RNPEP: variants seen among roughly 807,000 people sequenced by gnomAD.
RNPEP encodes aminopeptidase B.
RNPEP carries 57 observed loss-of-function variants against 70.1 expected under a neutral mutation model. That is an observed-to-expected ratio of 0.81 (90% CI 0.66 to 1.01). The LOEUF is 1.01. Ranked by LOEUF, RNPEP falls within the 50% of genes least tolerant of loss-of-function variation. The probability of loss-of-function intolerance (pLI) is 0.00; values close to 1 mark genes in which losing one functional copy is unlikely to be tolerated. For missense variants in RNPEP, 787 were observed against 852.4 expected (o/e 0.92, Z 0.96); for synonymous variants, 335 against 357.4 (o/e 0.94, Z 0.71).
At chr1:201,983,461 A>G (rs1683015294) in intron 1 of RNPEP, 2 of 1,401,934 alleles carry the variant, frequency 1.4e-6, no homozygotes, top group South Asian at 2.4e-5. Flanking sequence ...GTGGCTTTCT[A>G]GATGACCTGT....
chr1:201,989,405 T>C lies in RNPEP; in HGVS notation c.611T>C (p.Val204Ala). 1 of 1,614,206 alleles carries C rather than the reference T, an allele frequency of 6.2e-7. No individual in the cohort carries two copies. Among genetic ancestry groups the C allele is most frequent in the Middle Eastern group, 1.6e-4 (1 of 6,062 alleles). ...LIEVPDGFTA[V>A]MSASTWEKRG... is the part of the protein sequence containing the mutation. ...CAGGTCCCAGATGGCTTCACAGCTG[T>C]GATGAGTGCTAGCACCTGGGAGAAG... is the stretch of plus-strand genomic sequence containing the variant. Residue 204 changes from valine to alanine, a missense_variant, in exon 3 of 11, where the codon GTG (valine) becomes GCG (alanine). Transcript: ENST00000295640.
In RNPEP at chr1:202,003,412, G is replaced by A. The variant is rs1683914953; in HGVS notation, c.1602G>A (p.Gln534=). 9 of 1,614,170 alleles carry A rather than the reference G, an allele frequency of 5.6e-6. No individual in the cohort carries two copies. The highest frequency in any genetic ancestry group is 7.6e-6 in the Non-Finnish European group (9 of 1,180,028). Residue 534 remains glutamine (Q), a synonymous_variant, in exon 9 of 11, where the codon CAG becomes CAA. Transcript: ENST00000295640. ...AVAISPWKTY[Q]LVYFLDKILQ... The stretch of plus-strand genomic sequence containing the variant: ...CCATCTCTCCCTGGAAGACCTACCA[G>A]CTGGTCTACTTCCTGGATAAGATCC...
chr1:201,990,101 T>TCCCAAAGTGCTGGGATTACA (rs1484763954), intron 3 of RNPEP, among the ~76,000 whole-genome samples: 3 of 152,198 alleles, frequency 2.0e-5, no homozygotes, highest in African/African-American at 7.2e-5. Flanking sequence ...CGCCTTGGCC[T>TCCCAAAGTGCTGGGATTACA]CCCAAAGTGC....
At chr1:201,997,055 GGA>G (rs1449650084) in intron 4 of RNPEP, among the ~76,000 whole-genome samples, 4 of 152,158 alleles carry the variant, frequency 2.6e-5, no homozygotes, top group Non-Finnish European at 5.9e-5. Context: ...CTGCTTGGAA[GGA>G]GAGAGGGAAA....
chr1:201,985,655 G>A (rs1165205878), intron 1 of RNPEP, among the ~76,000 whole-genome samples: 1 of 152,112 alleles, frequency 6.6e-6, no homozygotes, highest in Non-Finnish European at 1.5e-5. Flanking sequence ...TTTTGCATTA[G>A]TATGACACAT....
intron 3 of RNPEP, 121 bp downstream of exon 3, chr1:201,989,652 C>A (rs1683253673): frequency 2.0e-6 from 2 of 1,004,502 alleles, no homozygotes; most frequent in Non-Finnish European, 3.0e-6. Context: ...GAGTCCAGAG[C>A]CTTTCTGCAG....
intron 9 of RNPEP, 106 bp downstream of exon 9, chr1:202,003,567 C>A: frequency 2.6e-6 from 2 of 775,768 alleles, no homozygotes; most frequent in Non-Finnish European, 4.2e-6. Flanking sequence ...GGAACTGCCA[C>A]GTACACTAGG....
rs926221616 is a variant in RNPEP, at chr1:202,001,669, A to G, written c.1328A>G (p.His443Arg). ...TTTCCCTCCTCACAGGCCTATGTGC[A>G]TGAATTCAAATTCCGAAGCATCTTA... Reference protein sequence around the residue: ...QFDSFLKAYVHEFKFRSILAD... With the variant: ...QFDSFLKAYVREFKFRSILAD... The change falls in exon 8 of 11, where the codon CAT (histidine) becomes CGT (arginine). Residue 443 changes from histidine (H) to arginine (R), a missense_variant. Physicochemically the swap from His to Arg is conservative, Grantham distance 29. Transcript: ENST00000295640. 3.1e-6 allele frequency: 5 copies of G among 1,612,588 alleles called. No individual in the cohort carries two copies. Among genetic ancestry groups the G allele is most frequent in the Admixed American group, 1.7e-5 (1 of 59,988 alleles).
intron 1 of RNPEP, chr1:201,983,394 T>G: frequency 6.7e-7 from 1 of 1,499,718 alleles, no homozygotes; most frequent in Admixed American, 2.0e-5. Context: ...CCCTGGAGGC[T>G]TGTCCAGATT....
Position 201,983,034 on chromosome 1 carries a change from G to A in RNPEP, c.368G>A (p.Cys123Tyr). ...TTCTCGCACTATGGCCAGGCCCTGT[G>A]CGTGTCCTTCCCGCAGCCCTGCCGC... ...QPFSHYGQALCVSFPQPCRAA... is the reference protein window; with the variant it reads ...QPFSHYGQALYVSFPQPCRAA... Residue 123 changes from cysteine to tyrosine, a missense_variant, in exon 1 of 11, where the codon TGC (cysteine) becomes TAC (tyrosine). Transcript: ENST00000295640. The A allele has an allele frequency of 6.5e-7, 1 of 1,527,250 alleles. No homozygotes were observed. The highest frequency in any genetic ancestry group is 8.8e-7 in the Non-Finnish European group (1 of 1,140,106). The allele number at this position is 1,527,250 out of a possible 1,614,324, so 94.6% of individuals were successfully genotyped here.
chr1:201,987,504 C>T (rs894501498), intron 1 of RNPEP, among the ~76,000 whole-genome samples: 9 of 143,874 alleles, frequency 6.3e-5, no homozygotes, highest in Non-Finnish European at 1.2e-4. Flanking sequence ...GTGGCATGAT[C>T]TCAGCTCACT....
At chr1:201,984,795 C>T (rs114586850) in intron 1 of RNPEP, among the ~76,000 whole-genome samples, 13 of 138,270 alleles carry the variant, frequency 9.4e-5, no homozygotes, top group Non-Finnish European at 1.8e-4. Flanking sequence ...TGTGTTAGCT[C>T]TTACTGCTAA....
intron 6 of RNPEP, chr1:202,000,353 T>A (rs1359769850): frequency 9.9e-6 from 2 of 202,850 alleles, no homozygotes; most frequent in East Asian, 1.3e-4. Flanking sequence ...ATTAGCCTTA[T>A]TTTACAGAGG....
intron 3 of RNPEP, among the ~76,000 whole-genome samples, chr1:201,994,555 T>C (rs985757401): frequency 4.6e-5 from 7 of 152,204 alleles, no homozygotes; most frequent in Non-Finnish European, 8.8e-5. Flanking sequence ...AAGTACCTGA[T>C]ACTGGTTTCC....
intron 9 of RNPEP, 58 bp from the exon 10 acceptor site, chr1:202,004,296 A>G: frequency 6.3e-7 from 1 of 1,587,554 alleles, no homozygotes; most frequent in Non-Finnish European, 8.6e-7. Context: ...CCAAAATTCT[A>G]GTATTACAGG....
chr1:201,983,776 C>T (rs752236648), intron 1 of RNPEP: 13 of 1,099,366 alleles, frequency 1.2e-5, no homozygotes, highest in Non-Finnish European at 1.4e-5. Flanking sequence ...TTTTTCGGGA[C>T]GGGGCAAATA....
Position 201,989,016 on chromosome 1 carries a change from T to TTAAATACAAG in RNPEP, c.563_572dup (p.Tyr191Ter). ...TTCCCTTGCTTCGACACGCCTGCTG[T>TTAAATACAAG]TAAATACAAGTATTCAGCTCTTATT... On this transcript the variant is annotated frameshift_variant, in exon 2 of 11. Coordinates refer to ENST00000295640, the MANE Select transcript of RNPEP (RefSeq NM_020216.4). LOFTEE classifies it high-confidence loss of function. 6.2e-7 allele frequency: 1 copy of TTAAATACAAG among 1,614,190 alleles called. No individual in the cohort carries two copies. Among genetic ancestry groups the TTAAATACAAG allele is most frequent in the Non-Finnish European group, 8.5e-7 (1 of 1,180,022 alleles).
At chr1:201,997,635 C>T (rs1465682676) in intron 5 of RNPEP, 81 bp downstream of exon 5, 2 of 1,106,108 alleles carry the variant, frequency 1.8e-6, no homozygotes, top group Non-Finnish European at 2.7e-6. Context: ...TATGGGGTTT[C>T]AGAATACAAG....
intron 1 of RNPEP, among the ~76,000 whole-genome samples, chr1:201,986,733 T>G (rs543700992): frequency 1.1e-3 from 166 of 151,996 alleles, no homozygotes; most frequent in African/African-American, 3.9e-3. Flanking sequence ...AGACACAGGG[T>G]TTCACTGTGT....
Sources: gnomAD v4.1 joint callset for allele counts (sites outside exome capture counted in the v4.1 genomes callset) on GRCh38, gnomAD v4.1.1 for gene constraint, MANE v1.5 for transcripts, NCBI Gene and HGNC (gene_info 2026-07-23, HGNC 2026-07-21) for gene names.